SKI: variants seen among roughly 807,000 people sequenced by gnomAD.
SKI encodes the protein ski oncogene.
Under a neutral mutation model 59.3 loss-of-function variants are expected in SKI, and 23 were observed. The ratio of observed to expected loss-of-function variants is 0.39; its 90% CI spans 0.28 to 0.55. The LOEUF is 0.55. Among genes scored for constraint, SKI ranks in the 20% least tolerant of loss-of-function variants. The probability of loss-of-function intolerance (pLI) is 0.67; values close to 1 mark genes in which losing one functional copy is unlikely to be tolerated. For missense variants in SKI, 1,017 were observed against 1,038.9 expected, an observed-to-expected ratio of 0.98 and a Z score of 0.29; for synonymous variants, 673 against 488.6, an observed-to-expected ratio of 1.38 and a Z score of -4.98.
At chr1:2,291,853 AG>A (rs1312794127) in intron 1 of SKI, among the ~76,000 whole-genome samples, 1 of 152,270 alleles carries the variant, frequency 6.6e-6, no homozygotes, top group Non-Finnish European at 1.5e-5. Context: ...CTTAAGCGAA[AG>A]AAAAATCCGA....
chr1:2,248,959 C>T (rs1014840699), intron 1 of SKI, among the ~76,000 whole-genome samples: 8 of 152,224 alleles, frequency 5.3e-5, no homozygotes, highest in African/African-American at 1.7e-4. Context: ...TCTCAGGAGC[C>T]GCGTCTGGGC....
At chr1:2,298,819 C>T (rs886721702) in intron 1 of SKI, among the ~76,000 whole-genome samples, 3 of 152,190 alleles carry the variant, frequency 2.0e-5, no homozygotes, top group Admixed American at 6.5e-5. Context: ...CTGTGGTGGG[C>T]GGGCGCGTGT....
At chr1:2,304,811 A>C (rs1355925710) in intron 5 of SKI, among the ~76,000 whole-genome samples, 1 of 152,232 alleles carries the variant, frequency 6.6e-6, no homozygotes, top group Non-Finnish European at 1.5e-5. Context: ...TGGACATCCC[A>C]GGAGGCCACT....
intron 5 of SKI, among the ~76,000 whole-genome samples, chr1:2,305,204 G>A (rs762179529): frequency 1.3e-5 from 2 of 152,182 alleles, no homozygotes; most frequent in African/African-American, 2.4e-5. Context: ...CTGCAGCTCC[G>A]GTCTCGCGCC....
chr1:2,271,466 CCTCT>C lies in SKI; in HGVS notation c.970-31508_970-31505del, dbSNP rs1469891571. Among the ~76,000 whole-genome samples the C allele has an allele frequency of 3.3e-5, 5 of 152,136 alleles. No homozygotes were observed. The South Asian group carries it at 1.0e-3, about 31-fold the overall frequency. ...TTTTAAAGAAGACTCATTCAATGTC[CCTCT>C]CTCAGACGGCCTCCAGCGTGGCGAT... is the stretch of plus-strand genomic sequence containing the variant. On this transcript the variant is annotated intron_variant, in intron 1 of 6. Transcript: ENST00000378536.
intron 1 of SKI, among the ~76,000 whole-genome samples, chr1:2,239,748 C>T (rs1019405513): frequency 6.6e-6 from 1 of 152,260 alleles, no homozygotes; most frequent in South Asian, 2.1e-4. Flanking sequence ...CAACGGGAGG[C>T]TTCTCAGAGC....
chr1:2,252,644 C>G (rs1639189238), intron 1 of SKI, among the ~76,000 whole-genome samples: 1 of 152,152 alleles, frequency 6.6e-6, no homozygotes, highest in Non-Finnish European at 1.5e-5. Context: ...AGTCTGTGGC[C>G]CTCTGGAGTA....
chr1:2,306,338 G>T, intron 6 of SKI, 88 bp downstream of exon 6: 1 of 1,279,534 alleles, frequency 7.8e-7, no homozygotes, highest in Non-Finnish European at 1.1e-6. Flanking sequence ...AGCCGGAAAG[G>T]CCTTGGAGCA....
chr1:2,306,757 G>C lies in SKI; in HGVS notation c.2179G>C (p.Glu727Gln). Residue 727 changes from glutamate to glutamine, a missense_variant, in exon 7 of 7, where the codon GAG becomes CAG. Physicochemically the swap from Glu to Gln is conservative, Grantham distance 29. Transcript: ENST00000378536. The part of the protein sequence containing the change: ...AAGSEGAAEL[E>Q]P ...GGGCAGCGAGGGCGCTGCGGAGCTG[G>C]AGCCGTAGATTCCGTGCCTGCCGCC... The C allele has an allele frequency of 6.6e-7, 1 of 1,519,136 alleles. No individual in the cohort carries two copies. Among genetic ancestry groups the C allele is most frequent in the Non-Finnish European group, 8.8e-7 (1 of 1,136,968 alleles). 94.1% of individuals were successfully genotyped at this position (1,519,136 alleles called of 1,614,324 possible).
chr1:2,266,728 C>CGGGT (rs1639508132), intron 1 of SKI, among the ~76,000 whole-genome samples: 2 of 152,268 alleles, frequency 1.3e-5, no homozygotes, highest in South Asian at 4.1e-4. Context: ...TCTCATCAGC[C>CGGGT]ACCCCGTTCA....
chr1:2,300,641 A>T (rs1384046285), intron 1 of SKI, among the ~76,000 whole-genome samples: 2 of 152,170 alleles, frequency 1.3e-5, no homozygotes, highest in African/African-American at 4.8e-5. Context: ...AGGGGCGCAG[A>T]CACCTTCTAT....
chr1:2,260,541 T>TTTC (rs1553194300), intron 1 of SKI, among the ~76,000 whole-genome samples: 14 of 125,350 alleles, frequency 1.1e-4, no homozygotes, highest in South Asian at 1.1e-3. Flanking sequence ...TTTTCTTTTT[T>TTTC]TTTTTTTTTT....
At chr1:2,283,406 A>T (rs528543880) in intron 1 of SKI, among the ~76,000 whole-genome samples, 2 of 152,208 alleles carry the variant, frequency 1.3e-5, no homozygotes, top group South Asian at 4.2e-4. Context: ...GGGGGTGAGG[A>T]GGTGGCAAGC....
At chr1:2,237,756 T>C (rs1638783050) in intron 1 of SKI, among the ~76,000 whole-genome samples, 1 of 152,248 alleles carries the variant, frequency 6.6e-6, no homozygotes, top group Non-Finnish European at 1.5e-5. Context: ...GCTGGGTCCT[T>C]CTTGCCCTGT....
chr1:2,296,185 C>T (rs995910563), intron 1 of SKI, among the ~76,000 whole-genome samples: 3 of 151,336 alleles, frequency 2.0e-5, no homozygotes, highest in African/African-American at 7.3e-5. Context: ...TCAGGACCAG[C>T]CAGGGCAACA....
chr1:2,238,388 T>C (rs934227553), intron 1 of SKI, among the ~76,000 whole-genome samples: 12 of 151,920 alleles, frequency 7.9e-5, no homozygotes, highest in African/African-American at 2.9e-4. Flanking sequence ...TCGGCGGCCC[T>C]GCGTGGACCT....
intron 1 of SKI, among the ~76,000 whole-genome samples, chr1:2,234,994 C>T (rs1222118510): frequency 4.0e-5 from 6 of 151,684 alleles, no homozygotes; most frequent in Non-Finnish European, 7.4e-5. Flanking sequence ...CCTTCCTGCC[C>T]TGCCCTGGCT....
chr1:2,264,348 C>T (rs1355880038), intron 1 of SKI, among the ~76,000 whole-genome samples: 1 of 152,150 alleles, frequency 6.6e-6, no homozygotes, highest in African/African-American at 2.4e-5. Flanking sequence ...CGGCTCACTG[C>T]AACCTCTGCC....
chr1:2,240,336 T>C (rs1424302845), intron 1 of SKI, among the ~76,000 whole-genome samples: 1 of 152,196 alleles, frequency 6.6e-6, no homozygotes, highest in African/African-American at 2.4e-5. Flanking sequence ...TGGAGGAACG[T>C]GGGAGGGGCA....
Sources: gnomAD v4.1 joint callset for allele counts (sites outside exome capture counted in the v4.1 genomes callset) on GRCh38, gnomAD v4.1.1 for gene constraint, MANE v1.5 for transcripts, NCBI Gene and HGNC (gene_info 2026-07-23, HGNC 2026-07-21) for gene names.